The following TP73 variants were observed in gnomAD, a reference collection of about 807,000 sequenced individuals.
TP73 encodes tumor protein p73, also known as p53-like transcription factor.
A neutral mutation model predicts 62.5 loss-of-function variants in TP73; 25 were observed. The observed-to-expected ratio is 0.40, with a 90% CI of 0.29 to 0.56. TP73 has a LOEUF of 0.56. Among genes scored for constraint, TP73 ranks in the 20% least tolerant of loss-of-function variants. The pLI is 0.46. For synonymous variants in TP73, 423 were observed against 377.5 expected (o/e 1.12, Z -1.40); for missense variants, 754 against 913.3 (o/e 0.83, Z 2.25).
At chr1:3,704,248 C>T (rs1639443704) in intron 3 of TP73, among the ~76,000 whole-genome samples, 1 of 152,224 alleles carries the variant, frequency 6.6e-6, no homozygotes, top group South Asian at 2.1e-4. Flanking sequence ...TTAATTATTT[C>T]CTGTATTCAC....
intron 1 of TP73, among the ~76,000 whole-genome samples, chr1:3,667,473 G>A (rs1347892498): frequency 6.6e-6 from 1 of 152,236 alleles, no homozygotes; most frequent in Non-Finnish European, 1.5e-5. Context: ...GAGGGCAGCT[G>A]GGCGCGGTGG....
intron 3 of TP73, among the ~76,000 whole-genome samples, chr1:3,700,551 C>G (rs981978091): frequency 3.3e-5 from 5 of 152,164 alleles, no homozygotes; most frequent in African/African-American, 1.2e-4. Context: ...AATCCCAGCA[C>G]TTTGGGAGGC....
Position 3,728,096 on chromosome 1 carries a change from T to C in TP73, c.986-33T>C, listed in dbSNP as rs115818333. 9,863 of 1,590,266 alleles carry C rather than the reference T, an allele frequency of 6.2e-3. 474 individuals are homozygous for C. The African/African-American group carries it at 0.11, about 18-fold the overall frequency. On this transcript the variant is annotated intron_variant, in intron 8 of 13. Transcript: ENST00000378295. ...GGAGGCCTCACCCTCTGGTCCTGCC[T>C]GCTCACCCCGCCTGCCCTGCCTGGC...
At chr1:3,694,945 C>T (rs1229639288) in intron 3 of TP73, among the ~76,000 whole-genome samples, 1 of 151,764 alleles carries the variant, frequency 6.6e-6, no homozygotes, top group African/African-American at 2.4e-5. Flanking sequence ...GCCTCAGCCC[C>T]TCCTCCTGCA....
At chr1:3,731,359 C>T (rs1642125413) in intron 12 of TP73, 104 bp from the exon 13 acceptor site, 2 of 1,205,752 alleles carry the variant, frequency 1.7e-6, no homozygotes, top group African/African-American at 1.5e-5. Context: ...CCTTCGGAGA[C>T]AGCGGCAGTC....
chr1:3,688,864 T>C (rs1384784043), intron 3 of TP73, among the ~76,000 whole-genome samples: 1 of 152,158 alleles, frequency 6.6e-6, no homozygotes, highest in Admixed American at 6.5e-5. Flanking sequence ...CTGGCTGTCT[T>C]CCTTCCTCAC....
chr1:3,653,487 CA>C (rs1463027691), intron 1 of TP73, among the ~76,000 whole-genome samples: 1 of 152,230 alleles, frequency 6.6e-6, no homozygotes, highest in Non-Finnish European at 1.5e-5. Flanking sequence ...GCTACATAAA[CA>C]GGGGACAGAT....
chr1:3,656,327 A>T (rs960934365), intron 1 of TP73, among the ~76,000 whole-genome samples: 1 of 152,270 alleles, frequency 6.6e-6, no homozygotes, highest in East Asian at 1.9e-4. Context: ...TTTGCAGGCT[A>T]AACACTCGCT....
rs116774868 is a variant in TP73, at chr1:3,666,791, G to A, written c.-34+14150G>A. Reference sequence around the variant, plus strand: ...AGACGCGACTCAGTGCCATGCGGGCGTCTCTCCCAGGGCGGCTTTCAGACT... The same window carrying A: ...AGACGCGACTCAGTGCCATGCGGGCATCTCTCCCAGGGCGGCTTTCAGACT... On this transcript the variant is annotated intron_variant, in intron 1 of 13. Coordinates refer to ENST00000378295, the MANE Select transcript of TP73 (RefSeq NM_005427.4). This position sits in a 1 kb window ranked among gnomAD's most constrained non-coding sequence, Gnocchi z 6.4. Among the ~76,000 whole-genome samples the A allele has an allele frequency of 9.3e-4, 141 of 152,286 alleles. No homozygotes were observed. Among genetic ancestry groups the A allele is most frequent in the African/African-American group, 3.3e-3 (137 of 41,550 alleles).
rs1372847521 is a variant in TP73 at position 3,701,213 on chromosome 1, C to T, written c.187-6336C>T. Reference sequence around the variant, plus strand: ...CCCGACCCCTGTGAGCACCTGCCCCCGAGAGCACCTGCTCTTCCCCATCCG... The same window carrying T: ...CCCGACCCCTGTGAGCACCTGCCCCTGAGAGCACCTGCTCTTCCCCATCCG... On this transcript the variant is annotated intron_variant, in intron 3 of 13. Transcript: ENST00000378295. This position sits in a 1 kb window ranked among gnomAD's most constrained non-coding sequence, Gnocchi z 4.7. Among the ~76,000 whole-genome samples, 3 of 152,196 alleles carry T rather than the reference C, an allele frequency of 2.0e-5. No homozygotes were observed. Among genetic ancestry groups the T allele is most frequent in the Non-Finnish European group, 2.9e-5 (2 of 68,028 alleles).
rs777921425 is a variant in TP73, at chr1:3,732,935, C to T, written c.1767C>T (p.Arg589=). The T allele has an allele frequency of 2.2e-5, 36 of 1,609,904 alleles. No individual in the cohort carries two copies. The highest frequency in any genetic ancestry group is 6.6e-5 in the South Asian group (6 of 90,844). ...GGGTCATGGAGGCCGTGCACTTCCGCGTGCGCCACACCATCACCATCCCCA... is the reference window on the plus strand; with the variant it reads ...GGGTCATGGAGGCCGTGCACTTCCGTGTGCGCCACACCATCACCATCCCCA... ...RQRVMEAVHF[R]VRHTITIPNR... The change falls in exon 14 of 14, where the codon CGC becomes CGT. Residue 589 remains arginine, a synonymous_variant. Transcript: ENST00000378295.
chr1:3,729,517 A>C, intron 10 of TP73, 69 bp downstream of exon 10: 1 of 1,605,388 alleles, frequency 6.2e-7, no homozygotes, highest in Middle Eastern at 1.7e-4. Context: ...GGAGAAGGCC[A>C]GGAGGACCAG....
In TP73 at chr1:3,690,593, A is replaced by C. The variant is rs1645789999; in HGVS notation, c.186+7413A>C. ...CCTCCTTGGTGCGGTCCAACACATC[A>C]CCGGGCAAGCTGAGGCCTGCCCCGG... is the stretch of plus-strand genomic sequence containing the variant. On this transcript the variant is annotated intron_variant, in intron 3 of 13. Coordinates refer to ENST00000378295, the MANE Select transcript of TP73 (RefSeq NM_005427.4). 5 of 1,251,760 alleles carry C rather than the reference A, an allele frequency of 4.0e-6. No individual in the cohort carries two copies. The South Asian group carries it at 9.1e-5, about 23-fold the overall frequency. 77.5% of individuals were successfully genotyped at this position (1,251,760 alleles called of 1,614,324 possible).
intron 1 of TP73, among the ~76,000 whole-genome samples, chr1:3,682,041 C>T (rs923554312): frequency 2.6e-5 from 4 of 152,230 alleles, no homozygotes; most frequent in Admixed American, 2.6e-4. Flanking sequence ...CCCCCTCTTC[C>T]AAGGCGACGG....
chr1:3,717,119 A>C (rs1472267241), intron 4 of TP73, among the ~76,000 whole-genome samples: 1 of 152,242 alleles, frequency 6.6e-6, no homozygotes. Context: ...CGTCCCAGGA[A>C]AATGACAGAC....
chr1:3,692,118 GGT>G (rs1172474223), intron 3 of TP73, among the ~76,000 whole-genome samples: 2 of 151,940 alleles, frequency 1.3e-5, no homozygotes, highest in African/African-American at 4.8e-5. Context: ...TGTGTGTTGT[GGT>G]GTGTGTACGT....
chr1:3,665,815 C>CG (rs1645099191), intron 1 of TP73, among the ~76,000 whole-genome samples: 2 of 123,986 alleles, frequency 1.6e-5, no homozygotes, highest in Admixed American at 8.8e-5. Context: ...CCACCGTGCC[C>CG]GGCCTTTTTT....
intron 1 of TP73, among the ~76,000 whole-genome samples, chr1:3,655,237 A>T (rs1409992296): frequency 6.6e-6 from 1 of 152,138 alleles, no homozygotes; most frequent in Non-Finnish European, 1.5e-5. Context: ...AAATACAAAA[A>T]TTAGCCGGGG....
Position 3,733,175 on chromosome 1 carries a change from C to A in TP73, c.*96C>A. The stretch of plus-strand genomic sequence containing the variant: ...TCCAAAACTGCCTCAGGAGGCAGGA[C>A]CTTCGGGCTGTGCCCGGGGAAAGGC... On this transcript the variant is annotated 3_prime_UTR_variant, in exon 14 of 14. Coordinates refer to ENST00000378295, the MANE Select transcript of TP73 (RefSeq NM_005427.4). The A allele has an allele frequency of 7.4e-7, 1 of 1,349,124 alleles. No homozygotes were observed. The highest frequency in any genetic ancestry group is 9.9e-7 in the Non-Finnish European group (1 of 1,011,280). 83.6% of individuals were successfully genotyped at this position (1,349,124 alleles called of 1,614,324 possible). A position where few individuals can be genotyped will look rare whatever the true frequency, so the allele number is the denominator to read the frequency against.
Sources: allele counts gnomAD v4.1 joint callset (sites outside exome capture counted in the v4.1 genomes callset), GRCh38; gene constraint gnomAD v4.1.1; non-coding constraint Gnocchi (gnomAD v3.1); transcripts MANE v1.5; gene names NCBI Gene and HGNC (gene_info 2026-07-23, HGNC 2026-07-21).